LRRTM3: variants seen among roughly 807,000 people sequenced by gnomAD.
LRRTM3 encodes leucine rich repeat transmembrane neuronal 3, also known as leucine-rich repeat transmembrane neuronal protein 3.
In LRRTM3, 24 loss-of-function variants were observed where a neutral mutation model predicts 44.7. The ratio of observed to expected loss-of-function variants is 0.54; its 90% CI spans 0.39 to 0.76. The LOEUF (loss-of-function observed/expected upper bound fraction) is 0.76. LRRTM3 is among the 30% of genes least tolerant of loss of function. The probability of loss-of-function intolerance (pLI) is 0.00; values close to 1 mark genes in which losing one functional copy is unlikely to be tolerated. For missense variants in LRRTM3, 587 were observed against 702.2 expected, an observed-to-expected ratio of 0.84 and a Z score of 1.85; for synonymous variants, 277 against 278.7, an observed-to-expected ratio of 0.99 and a Z score of 0.06.
intron 2 of LRRTM3, among the ~76,000 whole-genome samples, chr10:67,096,783 T>C (rs746553863): frequency 1.5e-4 from 23 of 151,904 alleles, no homozygotes; most frequent in Non-Finnish European, 1.9e-4. Flanking sequence ...CCCTTCCTCA[T>C]GTATACTACT....
chr10:66,952,304 A>G (rs1848576644), intron 2 of LRRTM3, among the ~76,000 whole-genome samples: 1 of 152,230 alleles, frequency 6.6e-6, no homozygotes, highest in African/African-American at 2.4e-5. Flanking sequence ...CTTTGAAAAG[A>G]GACAGATGTC....
At position 66,937,491 on chromosome 10, in the gene LRRTM3, C is replaced by T. The variant is rs577129177; in HGVS notation, c.1536+9039C>T. On this transcript the variant is annotated intron_variant, in intron 2 of 2. Coordinates refer to ENST00000361320, the MANE Select transcript of LRRTM3 (RefSeq NM_178011.5). ...CTAAAAATCTCAGTACCACAATGCG[C>T]TTTGAAAGTCATATTACACTACCTA... Among the ~76,000 whole-genome samples, 87 of 152,244 alleles carry T rather than the reference C, an allele frequency of 5.7e-4. 1 individual carries two copies. The highest frequency in any genetic ancestry group is 1.9e-3 in the African/African-American group (81 of 41,558).
intron 2 of LRRTM3, among the ~76,000 whole-genome samples, chr10:67,005,609 G>A (rs1272734619): frequency 2.0e-5 from 3 of 149,030 alleles, no homozygotes; most frequent in Non-Finnish European, 3.0e-5. Context: ...AAGGTATGTG[G>A]TCTCAAATCG....
At chr10:66,959,029 T>A (rs1206633522) in intron 2 of LRRTM3, among the ~76,000 whole-genome samples, 1 of 152,086 alleles carries the variant, frequency 6.6e-6, no homozygotes, top group Non-Finnish European at 1.5e-5. Flanking sequence ...CTCTCTTAAT[T>A]ATACACATCC....
At chr10:67,013,281 C>G (rs543662393) in intron 2 of LRRTM3, among the ~76,000 whole-genome samples, 15 of 151,560 alleles carry the variant, frequency 9.9e-5, no homozygotes, top group Non-Finnish European at 1.8e-4. Context: ...CTCTACCATT[C>G]AAAATTAAAG....
chr10:66,978,968 T>A (rs1173738039), intron 2 of LRRTM3, among the ~76,000 whole-genome samples: 1 of 139,904 alleles, frequency 7.1e-6, no homozygotes, highest in Admixed American at 7.2e-5. Context: ...TCCTTTTTTT[T>A]TTTTTTTTTT....
intron 2 of LRRTM3, among the ~76,000 whole-genome samples, chr10:67,066,561 A>G (rs937418323): frequency 2.0e-4 from 31 of 151,244 alleles, no homozygotes; most frequent in Non-Finnish European, 7.4e-5. Context: ...AGGTACATAC[A>G]CACCAACCAT....
intron 2 of LRRTM3, among the ~76,000 whole-genome samples, chr10:67,037,766 T>C (rs1271421990): frequency 6.6e-6 from 1 of 152,156 alleles, no homozygotes; most frequent in Non-Finnish European, 1.5e-5. Context: ...ACTCCCAATT[T>C]TTAACTTGAA....
chr10:67,024,432 T>C (rs1448397714), intron 2 of LRRTM3, among the ~76,000 whole-genome samples: 1 of 152,252 alleles, frequency 6.6e-6, no homozygotes, highest in Admixed American at 6.5e-5. Flanking sequence ...TTAATTGTTC[T>C]GCAAAATCTC....
At chr10:67,090,280 T>C (rs1214065317) in intron 2 of LRRTM3, among the ~76,000 whole-genome samples, 1 of 152,138 alleles carries the variant, frequency 6.6e-6, no homozygotes, top group Admixed American at 6.6e-5. Context: ...GAGCTGTCAC[T>C]ATCTTACCCA....
chr10:67,055,835 T>A (rs1303999366), intron 2 of LRRTM3, among the ~76,000 whole-genome samples: 2 of 152,152 alleles, frequency 1.3e-5, no homozygotes, highest in African/African-American at 4.8e-5. Context: ...TCCATATCCC[T>A]AATGATAAGT....
At chr10:66,979,597 C>A (rs1473707526) in intron 2 of LRRTM3, among the ~76,000 whole-genome samples, 2 of 152,138 alleles carry the variant, frequency 1.3e-5, no homozygotes, top group Non-Finnish European at 2.9e-5. Context: ...GTTAACCATT[C>A]TATCCCTCAA....
chr10:67,058,813 G>C (rs1855589795), intron 2 of LRRTM3, among the ~76,000 whole-genome samples: 1 of 152,132 alleles, frequency 6.6e-6, no homozygotes, highest in Admixed American at 6.6e-5. Flanking sequence ...GAAAATCTGA[G>C]TTCTAGGCTG....
At chr10:66,941,680 G>A (rs1848004019) in intron 2 of LRRTM3, among the ~76,000 whole-genome samples, 2 of 152,304 alleles carry the variant, frequency 1.3e-5, no homozygotes, top group East Asian at 1.9e-4. Context: ...GGGAGGAGGG[G>A]ATGCTAACAG....
chr10:67,029,259 G>A (rs1231159237), intron 2 of LRRTM3, among the ~76,000 whole-genome samples: 2 of 152,158 alleles, frequency 1.3e-5, no homozygotes, highest in African/African-American at 2.4e-5. Context: ...TGAATTTACA[G>A]TTGAAATAAG....
chr10:67,086,823 T>C (rs867258882), intron 2 of LRRTM3, among the ~76,000 whole-genome samples: 12 of 152,178 alleles, frequency 7.9e-5, no homozygotes, highest in Middle Eastern at 3.4e-3. Context: ...TTGTTTGCTT[T>C]ATAATTTTTA....
At chr10:67,017,593 T>C (rs1198017491) in intron 2 of LRRTM3, among the ~76,000 whole-genome samples, 1 of 152,142 alleles carries the variant, frequency 6.6e-6, no homozygotes, top group African/African-American at 2.4e-5. Flanking sequence ...CAGAAACTCA[T>C]ATGGCTCTAC....
At chr10:66,940,955 A>T (rs1397750820) in intron 2 of LRRTM3, among the ~76,000 whole-genome samples, 1 of 152,236 alleles carries the variant, frequency 6.6e-6, no homozygotes, top group Non-Finnish European at 1.5e-5. Flanking sequence ...GTTGTAAAAA[A>T]ATGCAACTGA....
intron 2 of LRRTM3, among the ~76,000 whole-genome samples, chr10:67,056,712 A>G (rs1855452972): frequency 6.6e-6 from 1 of 152,196 alleles, no homozygotes; most frequent in Admixed American, 6.5e-5. Flanking sequence ...ACTTTCAATC[A>G]CTATGATCTC....
Sources: gnomAD v4.1 joint callset for allele counts (sites outside exome capture counted in the v4.1 genomes callset) on GRCh38, gnomAD v4.1.1 for gene constraint, MANE v1.5 for transcripts, NCBI Gene and HGNC (gene_info 2026-07-23, HGNC 2026-07-21) for gene names.